CDH18: variants seen among roughly 807,000 people sequenced by gnomAD.
CDH18 encodes cadherin-18.
In CDH18, 31 loss-of-function variants were observed where a neutral mutation model predicts 67.9. The ratio of observed to expected loss-of-function variants is 0.46; its 90% confidence interval spans 0.34 to 0.62. The LOEUF is 0.62. CDH18 is among the 20% of genes least tolerant of loss of function. CDH18 has a pLI of 0.01. For synonymous variants in CDH18, 362 were observed against 347.2 expected, an observed-to-expected ratio of 1.04 and a Z score of -0.48; for missense variants, 890 against 975.5, an observed-to-expected ratio of 0.91 and a Z score of 1.17.
chr5:20,148,740 G>C (rs1438197068), intron 2 of CDH18, among the ~76,000 whole-genome samples: 1 of 150,548 alleles, frequency 6.6e-6, no homozygotes, highest in Non-Finnish European at 1.5e-5. Context: ...AACAGTATTA[G>C]GTAAGTGAAT....
chr5:20,402,696 C>T (rs745667873), intron 1 of CDH18, among the ~76,000 whole-genome samples: 18 of 152,030 alleles, frequency 1.2e-4, no homozygotes, highest in African/African-American at 4.1e-4. Flanking sequence ...ACAATCTTTT[C>T]GCTGCAAAGG....
intron 3 of CDH18, among the ~76,000 whole-genome samples, chr5:19,819,585 C>T (rs927441645): frequency 1.3e-5 from 2 of 152,244 alleles, no homozygotes; most frequent in East Asian, 1.9e-4. Flanking sequence ...GCAGCACACT[C>T]GCATTGTAGG....
intron 4 of CDH18, among the ~76,000 whole-genome samples, chr5:19,722,847 T>G (rs1166469960): frequency 6.6e-6 from 1 of 152,156 alleles, no homozygotes; most frequent in African/African-American, 2.4e-5. Flanking sequence ...CATTTTGGTA[T>G]TTGAATATGG....
chr5:19,794,983 C>T (rs1013162227), intron 3 of CDH18, among the ~76,000 whole-genome samples: 1 of 151,950 alleles, frequency 6.6e-6, no homozygotes, highest in East Asian at 1.9e-4. Context: ...TATCTTGTAT[C>T]CCCTGAACCA....
At chr5:20,514,620 G>A (rs920959056) in intron 1 of CDH18, among the ~76,000 whole-genome samples, 5 of 152,038 alleles carry the variant, frequency 3.3e-5, no homozygotes, top group African/African-American at 1.2e-4. Flanking sequence ...GTGTCTGGGT[G>A]TGTTTGTGTG....
intron 2 of CDH18, among the ~76,000 whole-genome samples, chr5:19,994,855 T>TAGAC (rs1554078422): frequency 1.5e-5 from 1 of 67,586 alleles, no homozygotes; most frequent in Non-Finnish European, 2.5e-5. Context: ...TATATATATA[T>TAGAC]AGAGAGAGAG....
chr5:20,439,101 G>A (rs923406710), intron 1 of CDH18, among the ~76,000 whole-genome samples: 2 of 151,430 alleles, frequency 1.3e-5, no homozygotes, highest in African/African-American at 4.9e-5. Context: ...CTCACCTCCT[G>A]ATTTTAGAAA....
At chr5:19,818,315 T>C (rs184353242) in intron 3 of CDH18, among the ~76,000 whole-genome samples, 2 of 152,316 alleles carry the variant, frequency 1.3e-5, no homozygotes, top group African/African-American at 4.8e-5. Context: ...AGAAGTCTAT[T>C]ATAATGAGCA....
chr5:20,387,759 TGA>T (rs983673281), intron 1 of CDH18, among the ~76,000 whole-genome samples: 139 of 152,280 alleles, frequency 9.1e-4, no homozygotes, highest in African/African-American at 3.2e-3. Flanking sequence ...CCTAATTTAT[TGA>T]GAGTTTTTAG....
intron 5 of CDH18, among the ~76,000 whole-genome samples, chr5:19,637,891 T>C (rs1420273467): frequency 2.0e-5 from 3 of 152,210 alleles, no homozygotes; most frequent in African/African-American, 7.2e-5. Flanking sequence ...ACATCTATCA[T>C]GACGATCCTG....
At chr5:20,023,495 T>A (rs1167101567) in intron 2 of CDH18, among the ~76,000 whole-genome samples, 2 of 151,758 alleles carry the variant, frequency 1.3e-5, no homozygotes, top group African/African-American at 4.8e-5. Context: ...CCGTCTCTAC[T>A]AAAAATACAA....
intron 6 of CDH18, among the ~76,000 whole-genome samples, chr5:19,603,084 C>T (rs546052880): frequency 6.6e-6 from 1 of 152,318 alleles, no homozygotes; most frequent in African/African-American, 2.4e-5. Flanking sequence ...AGCCACCTTA[C>T]TCATGATAGC....
At chr5:20,462,923 T>A (rs779684027) in intron 1 of CDH18, among the ~76,000 whole-genome samples, 17 of 152,198 alleles carry the variant, frequency 1.1e-4, no homozygotes, top group Non-Finnish European at 2.2e-4. Flanking sequence ...TTAAAGATTG[T>A]TCTACTTTGT....
chr5:19,856,436 C>T (rs1581665075), intron 2 of CDH18, among the ~76,000 whole-genome samples: 1 of 152,276 alleles, frequency 6.6e-6, no homozygotes, highest in East Asian at 1.9e-4. Flanking sequence ...ATTCTAATTT[C>T]TAATGATGAT....
intron 1 of CDH18, among the ~76,000 whole-genome samples, chr5:20,389,673 T>A (rs1744662871): frequency 6.6e-6 from 1 of 152,070 alleles, no homozygotes; most frequent in Non-Finnish European, 1.5e-5. Flanking sequence ...AGAGCCCGCA[T>A]CGCCAAGTCA....
chr5:19,721,950 C>A (rs1766156008), intron 4 of CDH18, among the ~76,000 whole-genome samples: 1 of 152,164 alleles, frequency 6.6e-6, no homozygotes, highest in Admixed American at 6.6e-5. Flanking sequence ...CATCACAACA[C>A]TCCATTCAAG....
chr5:19,721,607 A>G, intron 4 of CDH18, 141 bp from the exon 5 acceptor site: 1 of 581,144 alleles, frequency 1.7e-6, no homozygotes, highest in Non-Finnish European at 2.8e-6. Flanking sequence ...ATTTATGTAT[A>G]AAACATATTA....
chr5:19,703,050 CGT>C (rs1763474960), intron 5 of CDH18, among the ~76,000 whole-genome samples: 3 of 151,544 alleles, frequency 2.0e-5, no homozygotes, highest in South Asian at 2.1e-4. Flanking sequence ...TAAATATGTG[CGT>C]AAAACTCTGT....
At chr5:20,093,345 C>A (rs1452610435) in intron 2 of CDH18, among the ~76,000 whole-genome samples, 1 of 114,824 alleles carries the variant, frequency 8.7e-6, no homozygotes, top group South Asian at 3.6e-4. Context: ...AACAATAACT[C>A]CTCCTGTATT....
Sources: gnomAD v4.1 joint callset for allele counts (sites outside exome capture counted in the v4.1 genomes callset) on GRCh38, gnomAD v4.1.1 for gene constraint, MANE v1.5 for transcripts, NCBI Gene and HGNC (gene_info 2026-07-23, HGNC 2026-07-21) for gene names.